The following AGPS variants were observed in gnomAD, a reference collection of about 807,000 sequenced individuals.
AGPS encodes alkyldihydroxyacetonephosphate synthase, peroxisomal.
A neutral mutation model predicts 90.7 loss-of-function variants in AGPS; 26 were observed. The observed-to-expected ratio is 0.29, with a 90% CI of 0.21 to 0.40. AGPS has a LOEUF of 0.40. Ranked by LOEUF, AGPS falls within the 10% of genes least tolerant of loss-of-function variation. The pLI is 1.00. For synonymous variants in AGPS, 294 were observed against 285.3 expected (o/e 1.03, Z -0.31); for missense variants, 540 against 816.1 (o/e 0.66, Z 4.12).
At chr2:177,506,219 C>CTT (rs11410662) in intron 15 of AGPS, among the ~76,000 whole-genome samples, 2 of 151,114 alleles carry the variant, frequency 1.3e-5, no homozygotes, top group South Asian at 2.1e-4. Flanking sequence ...GCTGGGGTTA[C>CTT]TTTTTTTATT....
intron 8 of AGPS, among the ~76,000 whole-genome samples, chr2:177,454,528 A>G (rs944831831): frequency 5.1e-4 from 77 of 151,628 alleles, no homozygotes; most frequent in African/African-American, 1.7e-3. Context: ...TATTCACCCC[A>G]TAATGATTAT....
intron 3 of AGPS, among the ~76,000 whole-genome samples, chr2:177,435,297 C>G (rs1686371603): frequency 6.6e-6 from 1 of 151,820 alleles, no homozygotes; most frequent in South Asian, 2.1e-4. Context: ...TTATTTTACT[C>G]TAGTTATTAA....
At chr2:177,514,641 GTGTTTT>G in intron 17 of AGPS, among the ~76,000 whole-genome samples, 1 of 152,238 alleles carries the variant, frequency 6.6e-6, no homozygotes, top group Middle Eastern at 3.4e-3. Context: ...GTATGTGTGT[GTGTTTT>G]TGTTTTTGTC....
intron 1 of AGPS, among the ~76,000 whole-genome samples, chr2:177,401,245 A>G (rs1685322503): frequency 6.6e-6 from 1 of 152,200 alleles, no homozygotes; most frequent in African/African-American, 2.4e-5. Context: ...GAACTTATTT[A>G]TCTGGGCTTT....
At chr2:177,399,506 T>TA (rs1472952167) in intron 1 of AGPS, among the ~76,000 whole-genome samples, 1 of 152,204 alleles carries the variant, frequency 6.6e-6, no homozygotes, top group Non-Finnish European at 1.5e-5. Flanking sequence ...TTAGCTTTTT[T>TA]ACTGATAATG....
chr2:177,538,237 A>T lies in AGPS; in HGVS notation c.*42A>T, dbSNP rs755204376. On this transcript the variant is annotated 3_prime_UTR_variant, in exon 20 of 20. Coordinates refer to ENST00000264167, the MANE Select transcript of AGPS (RefSeq NM_003659.4). ...ACAAAAAAATGTCAATTTTTTTTTTAAGTTTTCAACTGTGGTTATACTAGT... is the reference window on the plus strand; with the variant it reads ...ACAAAAAAATGTCAATTTTTTTTTTTAGTTTTCAACTGTGGTTATACTAGT... 2 of 1,581,688 alleles carry T rather than the reference A, an allele frequency of 1.3e-6. No individual in the cohort carries two copies. Among genetic ancestry groups the T allele is most frequent in the Non-Finnish European group, 1.7e-6 (2 of 1,151,850 alleles).
intron 19 of AGPS, among the ~76,000 whole-genome samples, chr2:177,527,320 C>T (rs1574034618): frequency 1.3e-5 from 2 of 151,984 alleles, no homozygotes; most frequent in South Asian, 2.1e-4. Flanking sequence ...CCCAGCTACT[C>T]AGGAGGCTGA....
intron 1 of AGPS, among the ~76,000 whole-genome samples, chr2:177,412,173 A>G (rs1020965376): frequency 6.6e-6 from 1 of 152,184 alleles, no homozygotes. Flanking sequence ...ATTAGTATCT[A>G]GGAGGCAGGG....
chr2:177,437,166 G>A (rs1686439497), intron 5 of AGPS, 112 bp downstream of exon 5: 4 of 1,021,086 alleles, frequency 3.9e-6, no homozygotes, highest in Non-Finnish European at 6.1e-6. Flanking sequence ...ATAAATTGCT[G>A]TATTTTTAAG....
intron 1 of AGPS, among the ~76,000 whole-genome samples, chr2:177,403,246 TGAC>T (rs1178994553): frequency 6.6e-6 from 1 of 152,120 alleles, no homozygotes; most frequent in East Asian, 1.9e-4. Context: ...AAAGGAATGG[TGAC>T]TACTACAACA....
chr2:177,448,330 C>G (rs1011223471), intron 8 of AGPS, among the ~76,000 whole-genome samples: 1 of 152,126 alleles, frequency 6.6e-6, no homozygotes, highest in Admixed American at 6.5e-5. Flanking sequence ...ATTCATTCCA[C>G]TAATTTTTAT....
Position 177,414,962 on chromosome 2 carries a change from A to G in AGPS, c.261-5307A>G, listed in dbSNP as rs1162341192. Among the ~76,000 whole-genome samples the G allele has an allele frequency of 4.0e-5, 6 of 151,216 alleles. No individual in the cohort carries two copies. The Admixed American group carries it at 4.0e-4, about 10-fold the overall frequency. ...TACATATATGATGAATGCATTATAA[A>G]TAATATATCTGGATATATTATATAT... On this transcript the variant is annotated intron_variant, in intron 1 of 19. Coordinates refer to ENST00000264167, the MANE Select transcript of AGPS (RefSeq NM_003659.4).
chr2:177,434,273 T>C, intron 2 of AGPS, 54 bp from the exon 3 acceptor site: 1 of 1,343,996 alleles, frequency 7.4e-7, no homozygotes, highest in Non-Finnish European at 1.1e-6. Flanking sequence ...ATTTAAGCTT[T>C]AAATTTAAAT....
intron 11 of AGPS, among the ~76,000 whole-genome samples, chr2:177,488,116 T>G (rs1479914427): frequency 6.6e-6 from 1 of 152,222 alleles, no homozygotes; most frequent in African/African-American, 2.4e-5. Context: ...ATACCAACTC[T>G]GACTTATTAG....
Position 177,539,477 on chromosome 2 carries a change from G to A in AGPS, c.*1282G>A, listed in dbSNP as rs2079212796. ...GGTTCATGATTCACATTTTGAGATG[G>A]ATTCTTTTCTTAATGCAATACCTAA... On this transcript the variant is annotated 3_prime_UTR_variant, in exon 20 of 20. Transcript: ENST00000264167. 6.6e-6 allele frequency: 1 copy of A among 151,878 alleles called. No individual in the cohort carries two copies. Among genetic ancestry groups the A allele is most frequent in the African/African-American group, 2.4e-5 (1 of 41,398 alleles). 9.4% of individuals were successfully genotyped at this position (151,878 alleles called of 1,614,324 possible).
intron 11 of AGPS, among the ~76,000 whole-genome samples, chr2:177,483,762 A>G (rs1688014859): frequency 6.6e-6 from 1 of 152,190 alleles, no homozygotes; most frequent in Non-Finnish European, 1.5e-5. Flanking sequence ...TTAAAGGATT[A>G]TTAAGTAGAG....
chr2:177,473,279 AG>A (rs1205068884), intron 10 of AGPS, among the ~76,000 whole-genome samples: 2 of 152,160 alleles, frequency 1.3e-5, no homozygotes, highest in African/African-American at 4.8e-5. Flanking sequence ...GGGAGAGAAA[AG>A]ATTCATAATC....
At chr2:177,400,512 GA>G (rs1251515992) in intron 1 of AGPS, among the ~76,000 whole-genome samples, 4 of 152,036 alleles carry the variant, frequency 2.6e-5, no homozygotes, top group Non-Finnish European at 1.5e-5. Context: ...CTTACTCATT[GA>G]AAAAAACTGC....
intron 16 of AGPS, among the ~76,000 whole-genome samples, chr2:177,511,125 A>G (rs1223633601): frequency 8.6e-5 from 13 of 151,914 alleles, no homozygotes; most frequent in Admixed American, 8.5e-4. Context: ...TTGAGATGGG[A>G]TCTCGCTCTG....
Sources: allele counts gnomAD v4.1 joint callset (sites outside exome capture counted in the v4.1 genomes callset), GRCh38; gene constraint gnomAD v4.1.1; transcripts MANE v1.5; gene names NCBI Gene and HGNC (gene_info 2026-07-23, HGNC 2026-07-21).